RIBC2: variants seen among roughly 807,000 people sequenced by gnomAD.
RIBC2 encodes the protein RIB43A domain with coiled-coils 2, also known as RIB43A-like with coiled-coils protein 2.
In RIBC2, 40 loss-of-function variants were observed where a neutral mutation model predicts 44.3. That is an observed-to-expected ratio of 0.90 (90% CI 0.70 to 1.18). The LOEUF is 1.18. RIBC2 is among the 50% of genes most tolerant of loss of function. The pLI is 0.00. For synonymous variants in RIBC2, 171 were observed against 175.0 expected, an observed-to-expected ratio of 0.98 and a Z score of 0.18; for missense variants, 459 against 485.5, an observed-to-expected ratio of 0.95 and a Z score of 0.51.
intron 4 of RIBC2, among the ~76,000 whole-genome samples, chr22:45,422,783 C>G (rs1569209509): frequency 6.6e-6 from 1 of 152,112 alleles, no homozygotes; most frequent in South Asian, 2.1e-4. Context: ...CAGACTTCCC[C>G]TTTACTGAGA....
chr22:45,421,804 C>T (rs1418830141), intron 3 of RIBC2, among the ~76,000 whole-genome samples: 1 of 151,872 alleles, frequency 6.6e-6, no homozygotes, highest in Non-Finnish European at 1.5e-5. Context: ...TACTCTTCCT[C>T]TTTCTCTTAC....
intron 2 of RIBC2, among the ~76,000 whole-genome samples, chr22:45,415,919 C>T (rs1199038891): frequency 1.3e-5 from 2 of 152,152 alleles, no homozygotes; most frequent in Non-Finnish European, 2.9e-5. Context: ...AGGCTGGTCT[C>T]GAACTCCTGA....
At chr22:45,430,696 C>A (rs371254703) in intron 5 of RIBC2, among the ~76,000 whole-genome samples, 1 of 152,116 alleles carries the variant, frequency 6.6e-6, no homozygotes, top group Non-Finnish European at 1.5e-5. Context: ...CACCTCCTGA[C>A]GGGGGAGGGC....
chr22:45,426,290 T>C, intron 5 of RIBC2, 115 bp downstream of exon 5: 1 of 829,434 alleles, frequency 1.2e-6, no homozygotes, highest in Non-Finnish European at 1.9e-6. Context: ...GCACCTGCCC[T>C]CAAGGAGTTT....
chr22:45,429,849 C>G (rs1437051238), intron 5 of RIBC2, among the ~76,000 whole-genome samples: 5 of 152,132 alleles, frequency 3.3e-5, no homozygotes, highest in Admixed American at 6.6e-5. Flanking sequence ...GAAAAACACA[C>G]ATGAAACCTC....
At position 45,417,591 on chromosome 22, in the gene RIBC2, A is replaced by G. The variant is rs1168387817; in HGVS notation, c.212-11A>G. ...AATCCTAAGCTTATGGATATGCTGT[A>G]TCTCTTCCAGCTGCTGAAATGAGGC... On this transcript the variant is annotated splice_polypyrimidine_tract_variant and intron_variant, in intron 2 of 6. Coordinates refer to ENST00000614167, the MANE Select transcript of RIBC2 (RefSeq NM_015653.5). 3.1e-6 allele frequency: 5 copies of G among 1,594,046 alleles called. No homozygotes were observed. In the African/African-American group the frequency reaches 4.0e-5, roughly 13 times the overall value.
chr22:45,413,716 G>C lies in RIBC2; in HGVS notation c.-171G>C, dbSNP rs1569205381. The stretch of plus-strand genomic sequence containing the variant: ...GAGTTGTTGACATTTCCGAGAGAGC[G>C]GGAGCGTCTGTACCTCTGCGGCGTC... On this transcript the variant is annotated 5_prime_UTR_variant, in exon 1 of 7. Coordinates refer to ENST00000614167, the MANE Select transcript of RIBC2 (RefSeq NM_015653.5). 8.6e-7 allele frequency: 1 copy of C among 1,158,642 alleles called. No individual in the cohort carries two copies. The highest frequency in any genetic ancestry group is 1.2e-6 in the Non-Finnish European group (1 of 815,490). The allele number at this position is 1,158,642 out of a possible 1,614,324, so 71.8% of individuals were successfully genotyped here.
intron 1 of RIBC2, 64 bp downstream of exon 1, chr22:45,414,079 G>C: frequency 1.3e-6 from 2 of 1,540,130 alleles, no homozygotes; most frequent in Non-Finnish European, 1.8e-6. Context: ...TGCGTGGAGG[G>C]GGAAAGGAGA....
intron 5 of RIBC2, 63 bp downstream of exon 5, chr22:45,426,238 C>A: frequency 1.4e-6 from 2 of 1,413,952 alleles, no homozygotes; most frequent in Non-Finnish European, 2.0e-6. Flanking sequence ...CACTGCCTTC[C>A]AGGCACAAAT....
Position 45,431,058 on chromosome 22 carries a change from G to C in RIBC2, c.1062G>C (p.Gln354His). 2 of 1,573,366 alleles carry C rather than the reference G, an allele frequency of 1.3e-6. No homozygotes were observed. Among genetic ancestry groups the C allele is most frequent in the Non-Finnish European group, 8.6e-7 (1 of 1,159,372 alleles). The change falls in exon 6 of 7, where the codon CAG (glutamine) becomes CAC (histidine). Residue 354 changes from glutamine (Q) to histidine (H), a missense_variant. Coordinates refer to ENST00000614167, the MANE Select transcript of RIBC2 (RefSeq NM_015653.5). ...DSSNLSLAKE[Q>H]HLQKKYMNEV... ...GCAACCTCAGCCTGGCCAAGGAGCA[G>C]CATTTGCAGTGAGTGCTGGGTGGGA... is the stretch of plus-strand genomic sequence containing the variant.
At chr22:45,419,484 G>C (rs566995795) in intron 3 of RIBC2, among the ~76,000 whole-genome samples, 1 of 151,316 alleles carries the variant, frequency 6.6e-6, no homozygotes, top group Non-Finnish European at 1.5e-5. Flanking sequence ...CTGTAATCTC[G>C]GCATTTTGGG....
intron 5 of RIBC2, 115 bp from the exon 6 acceptor site, chr22:45,430,785 C>A: frequency 7.7e-7 from 1 of 1,300,374 alleles, no homozygotes; most frequent in Non-Finnish European, 1.0e-6. Flanking sequence ...ACCTGCTCGT[C>A]CTCTGAGCCT....
At chr22:45,424,468 G>A (rs1259375932) in intron 4 of RIBC2, among the ~76,000 whole-genome samples, 1 of 152,238 alleles carries the variant, frequency 6.6e-6, no homozygotes, top group Admixed American at 6.5e-5. Context: ...GAATGAGGAA[G>A]CGACAACACC....
chr22:45,426,311 C>G, intron 5 of RIBC2, 136 bp downstream of exon 5: 1 of 718,030 alleles, frequency 1.4e-6, no homozygotes, highest in Non-Finnish European at 2.3e-6. Context: ...CCCTTCTAGT[C>G]GGTGGGAGAC....
chr22:45,431,009 A>G lies in RIBC2; in HGVS notation c.1013A>G (p.Asp338Gly), dbSNP rs1351276338. The G allele has an allele frequency of 3.8e-6, 6 of 1,590,246 alleles. No homozygotes were observed. The African/African-American group carries it at 6.8e-5, about 18-fold the overall frequency. ...FERQQWRRQR[D>G]LRRALDSSNL... ...CGGCAGCAGTGGCGGCGGCAGCGCG[A>G]CCTGCGCAGAGCTCTGGACAGCAGC... The change falls in exon 6 of 7, where the codon GAC (aspartate) becomes GGC (glycine). Residue 338 changes from aspartate to glycine, a missense_variant. Coordinates refer to ENST00000614167, the MANE Select transcript of RIBC2 (RefSeq NM_015653.5).
At position 45,432,463 on chromosome 22, in the gene RIBC2, C is replaced by T. The variant is rs947886763; in HGVS notation, c.*101C>T. 3 of 726,128 alleles carry T rather than the reference C, an allele frequency of 4.1e-6. No homozygotes were observed. The Admixed American group carries it at 7.6e-5, about 18-fold the overall frequency. The allele number at this position is 726,128 out of a possible 1,614,324, so 45.0% of individuals were successfully genotyped here. On this transcript the variant is annotated 3_prime_UTR_variant, in exon 7 of 7. Coordinates refer to ENST00000614167, the MANE Select transcript of RIBC2 (RefSeq NM_015653.5). The stretch of plus-strand genomic sequence containing the variant: ...GATACACTCCTTGGGCCACAAGTAC[C>T]CTTCAGCTGTAATCGTCCACTGTGG...
In RIBC2 at chr22:45,421,569, TAATAGTATTATTAATAA is replaced by T. The variant is rs1205240749; in HGVS notation, c.557-720_557-704del. Among the ~76,000 whole-genome samples, 21 of 120,958 alleles carry T rather than the reference TAATAGTATTATTAATAA, an allele frequency of 1.7e-4. 1 individual carries two copies. The highest frequency in any genetic ancestry group is 1.4e-3 in the South Asian group (5 of 3,552). The allele number at this position is 120,958 out of a possible 152,430, so 79.4% of individuals were successfully genotyped here. On this transcript the variant is annotated intron_variant, in intron 3 of 6. Transcript: ENST00000614167. The stretch of plus-strand genomic sequence containing the variant: ...TTAATAATAATAATAGTATTATTAA[TAATAGTATTATTAATAA>T]TAATAATAGTATTATTAATAATAAT...
Position 45,430,833 on chromosome 22 carries a change from T to C in RIBC2, c.904-67T>C, listed in dbSNP as rs913817527. The C allele has an allele frequency of 1.1e-5, 16 of 1,455,978 alleles. No individual in the cohort carries two copies. The Admixed American group carries it at 3.2e-4, about 29-fold the overall frequency. The allele number at this position is 1,455,978 out of a possible 1,614,324, so 90.2% of individuals were successfully genotyped here. ...CTGTAGAATGAGAGGCCAGGCCTCCTAGATAATCCCCTGGGGTTCTTTGGC... is the reference window on the plus strand; with the variant it reads ...CTGTAGAATGAGAGGCCAGGCCTCCCAGATAATCCCCTGGGGTTCTTTGGC... On this transcript the variant is annotated intron_variant, in intron 5 of 6. Transcript: ENST00000614167.
chr22:45,424,880 C>T (rs1371649396), intron 4 of RIBC2, among the ~76,000 whole-genome samples: 2 of 151,618 alleles, frequency 1.3e-5, no homozygotes, highest in African/African-American at 2.4e-5. Flanking sequence ...CTCAGCCTCC[C>T]AAGTAGCTGG....
Sources: allele counts gnomAD v4.1 joint callset (sites outside exome capture counted in the v4.1 genomes callset), GRCh38; gene constraint gnomAD v4.1.1; transcripts MANE v1.5; gene names NCBI Gene and HGNC (gene_info 2026-07-23, HGNC 2026-07-21).